Variants in PHLPP1 observed in about 807,000 individuals in gnomAD.
The protein encoded by PHLPP1 is PH domain leucine-rich repeat-containing protein phosphatase 1.
A neutral mutation model predicts 117.2 loss-of-function variants in PHLPP1; 42 were observed. That is an observed-to-expected ratio of 0.36 (90% confidence interval 0.28 to 0.46). PHLPP1 has a LOEUF of 0.46. Among genes scored for constraint, PHLPP1 ranks in the 20% least tolerant of loss-of-function variants. The pLI, the probability that PHLPP1 is intolerant of heterozygous loss-of-function variation, is 1.00. For missense variants in PHLPP1, 2,084 were observed against 2,241.9 expected (o/e 0.93, Z 1.42); for synonymous variants, 1,042 against 970.7 (o/e 1.07, Z -1.37).
intron 1 of PHLPP1, among the ~76,000 whole-genome samples, chr18:62,758,399 G>A (rs911083861): frequency 1.2e-4 from 18 of 152,150 alleles, no homozygotes; most frequent in Non-Finnish European, 2.5e-4. Flanking sequence ...TTGTCATCTA[G>A]TAAATGGGTA....
intron 1 of PHLPP1, among the ~76,000 whole-genome samples, chr18:62,722,911 A>G (rs1012773745): frequency 6.6e-6 from 1 of 152,234 alleles, no homozygotes; most frequent in Non-Finnish European, 1.5e-5. Context: ...AATAACAGTT[A>G]CTGGATTAAT....
chr18:62,866,065 C>G (rs1344935742), intron 4 of PHLPP1, among the ~76,000 whole-genome samples: 1 of 152,122 alleles, frequency 6.6e-6, no homozygotes, highest in Non-Finnish European at 1.5e-5. Context: ...CAACCTAATG[C>G]TCTCTTTTAA....
intron 1 of PHLPP1, among the ~76,000 whole-genome samples, chr18:62,794,314 A>G (rs563534437): frequency 4.0e-5 from 6 of 151,344 alleles, no homozygotes; most frequent in African/African-American, 1.5e-4. Flanking sequence ...GCGATTTTGG[A>G]TATGGGAATG....
At chr18:62,940,514 G>A (rs113115762) in intron 10 of PHLPP1, among the ~76,000 whole-genome samples, 4 of 151,458 alleles carry the variant, frequency 2.6e-5, no homozygotes, top group East Asian at 2.0e-4. Context: ...GCAGGCGCCC[G>A]CCACCACACC....
intron 3 of PHLPP1, among the ~76,000 whole-genome samples, chr18:62,854,737 C>T (rs1420344746): frequency 1.3e-5 from 2 of 149,886 alleles, no homozygotes; most frequent in Non-Finnish European, 3.0e-5. Context: ...GCTCTTGTCA[C>T]CCAGGGTGGA....
At chr18:62,833,126 T>C (rs949806637) in intron 2 of PHLPP1, among the ~76,000 whole-genome samples, 3 of 152,194 alleles carry the variant, frequency 2.0e-5, no homozygotes, top group African/African-American at 7.2e-5. Flanking sequence ...CAGGCTGGAG[T>C]GCAGTGGTGC....
chr18:62,851,840 A>G (rs1169049388), intron 3 of PHLPP1, among the ~76,000 whole-genome samples: 1 of 151,802 alleles, frequency 6.6e-6, no homozygotes, highest in African/African-American at 2.4e-5. Flanking sequence ...CATTACCTCG[A>G]ATCATTTTAA....
At chr18:62,729,661 C>A (rs1291461509) in intron 1 of PHLPP1, among the ~76,000 whole-genome samples, 1 of 151,588 alleles carries the variant, frequency 6.6e-6, no homozygotes, top group African/African-American at 2.4e-5. Context: ...GGTGACAGAG[C>A]AAGACTTCGT....
intron 1 of PHLPP1, among the ~76,000 whole-genome samples, chr18:62,728,613 C>G (rs1002024451): frequency 1.3e-5 from 2 of 151,616 alleles, no homozygotes; most frequent in Non-Finnish European, 2.9e-5. Flanking sequence ...AAGTGATTCT[C>G]CTGTCTTGCC....
intron 1 of PHLPP1, among the ~76,000 whole-genome samples, chr18:62,726,457 T>C (rs911615945): frequency 2.0e-5 from 3 of 151,974 alleles, no homozygotes; most frequent in African/African-American, 7.2e-5. Flanking sequence ...TCTTTTCCTC[T>C]AGGTTTTCAG....
In PHLPP1 at chr18:62,895,024, A is replaced by C; in HGVS notation, c.2080A>C (p.Lys694Gln). 6.2e-7 allele frequency: 1 copy of C among 1,608,518 alleles called. No individual in the cohort carries two copies. Among genetic ancestry groups the C allele is most frequent in the Non-Finnish European group, 8.5e-7 (1 of 1,176,796 alleles). The change falls in exon 5 of 17, where the codon AAG (lysine) becomes CAG (glutamine). Residue 694 changes from lysine (K) to glutamine (Q), a missense_variant. Physicochemically the swap from Lys to Gln is moderately conservative, Grantham distance 53. Coordinates refer to ENST00000262719, the MANE Select transcript of PHLPP1 (RefSeq NM_194449.4). ...TTATTGTAATAGGTTCACCAAGTTG[A>C]AGAGTCTTAACCTTTCCAATAATCA... ...LNELQRFTKLKSLNLSNNHLG... is the reference protein window; with the variant it reads ...LNELQRFTKLQSLNLSNNHLG...
chr18:62,790,939 G>A (rs1207534296), intron 1 of PHLPP1, among the ~76,000 whole-genome samples: 2 of 152,164 alleles, frequency 1.3e-5, no homozygotes, highest in Non-Finnish European at 2.9e-5. Flanking sequence ...GAGTCTGGGA[G>A]AATGTTGTTT....
At chr18:62,849,243 A>T (rs935529522) in intron 3 of PHLPP1, among the ~76,000 whole-genome samples, 3 of 152,248 alleles carry the variant, frequency 2.0e-5, no homozygotes, top group African/African-American at 7.2e-5. Flanking sequence ...ATTCTTTGCA[A>T]ACTGGTCAAA....
intron 12 of PHLPP1, among the ~76,000 whole-genome samples, chr18:62,950,261 T>G (rs532190034): frequency 1.3e-5 from 2 of 152,320 alleles, no homozygotes; most frequent in South Asian, 4.1e-4. Context: ...CTAAGTTGAG[T>G]GAACTTGTAT....
At position 62,924,676 on chromosome 18, in the gene PHLPP1, GAAAAAAA is replaced by G. The variant is rs35464959; in HGVS notation, c.2960+4579_2960+4585del. Among the ~76,000 whole-genome samples, 59 of 93,610 alleles carry G rather than the reference GAAAAAAA, an allele frequency of 6.3e-4. 1 individual carries two copies. The highest frequency in any genetic ancestry group is 9.1e-4 in the Admixed American group (7 of 7,706). The allele number at this position is 93,610 out of a possible 152,430, so 61.4% of individuals were successfully genotyped here. ...TGGCAAGACCCTGTCACTACAAATT[GAAAAAAA>G]AAAAAAAAAAAAAAAAGTCAGGTGT... On this transcript the variant is annotated intron_variant, in intron 10 of 16. Transcript: ENST00000262719.
At chr18:62,876,349 G>A (rs957244428) in intron 4 of PHLPP1, among the ~76,000 whole-genome samples, 1 of 152,070 alleles carries the variant, frequency 6.6e-6, no homozygotes, top group African/African-American at 2.4e-5. Context: ...TCAACCTAGC[G>A]ACTCCTACCC....
intron 4 of PHLPP1, among the ~76,000 whole-genome samples, chr18:62,872,986 C>CAAA (rs60920082): frequency 0.17 from 9,411 of 54,558 alleles, 923 homozygotes; most frequent in African/African-American, 0.36. Context: ...AACTCTGCCT[C>CAAA]AAAAAAAAAA....
chr18:62,721,393 CTT>C (rs1433770589), intron 1 of PHLPP1, among the ~76,000 whole-genome samples: 1 of 151,786 alleles, frequency 6.6e-6, no homozygotes, highest in African/African-American at 2.4e-5. Flanking sequence ...AGAATTAACA[CTT>C]TGCCTGAAAA....
Position 62,865,974 on chromosome 18 carries a change from C to T in PHLPP1, c.2066+5373C>T, listed in dbSNP as rs1187287138. On this transcript the variant is annotated intron_variant, in intron 4 of 16. Coordinates refer to ENST00000262719, the MANE Select transcript of PHLPP1 (RefSeq NM_194449.4). ...GGTGATGAAATATATGTGCAACAAACCCTCATGACACACGTTTACCTGTGT... is the reference window on the plus strand; with the variant it reads ...GGTGATGAAATATATGTGCAACAAATCCTCATGACACACGTTTACCTGTGT... Among the ~76,000 whole-genome samples the T allele has an allele frequency of 5.3e-5, 8 of 152,168 alleles. No homozygotes were observed. In the East Asian group the frequency reaches 1.5e-3, roughly 29 times the overall value.
Sources: gnomAD v4.1 joint callset for allele counts (sites outside exome capture counted in the v4.1 genomes callset) on GRCh38, gnomAD v4.1.1 for gene constraint, MANE v1.5 for transcripts, NCBI Gene and HGNC (gene_info 2026-07-23, HGNC 2026-07-21) for gene names.